The following IQGAP2 variants were observed in gnomAD, a reference collection of about 807,000 sequenced individuals.
IQGAP2 encodes the protein ras GTPase-activating-like protein IQGAP2.
A neutral mutation model predicts 201.3 loss-of-function variants in IQGAP2; 173 were observed. The observed-to-expected ratio is 0.86, with a 90% CI of 0.76 to 0.98. The LOEUF (loss-of-function observed/expected upper bound fraction) is 0.98. Ranked by LOEUF, IQGAP2 falls within the 50% of genes least tolerant of loss-of-function variation. IQGAP2 has a pLI of 0.00. For synonymous variants in IQGAP2, 675 were observed against 673.9 expected (o/e 1.00, Z -0.03); for missense variants, 1,687 against 1,864.8 (o/e 0.90, Z 1.76).
intron 2 of IQGAP2, among the ~76,000 whole-genome samples, chr5:76,484,030 C>T (rs983715377): frequency 2.6e-5 from 4 of 151,106 alleles, no homozygotes; most frequent in Non-Finnish European, 5.9e-5. Flanking sequence ...GTTAGGGATA[C>T]ACATTTTTTG....
chr5:76,587,434 A>G (rs1746327537), intron 5 of IQGAP2, among the ~76,000 whole-genome samples: 1 of 152,230 alleles, frequency 6.6e-6, no homozygotes, highest in African/African-American at 2.4e-5. Flanking sequence ...AACAATCTAA[A>G]TGCTCAGCAC....
intron 1 of IQGAP2, among the ~76,000 whole-genome samples, chr5:76,415,876 T>G: frequency 6.7e-6 from 1 of 148,586 alleles, no homozygotes; most frequent in African/African-American, 2.5e-5. Context: ...ACCCAGGAGG[T>G]GGAGGTTGCA....
intron 2 of IQGAP2, among the ~76,000 whole-genome samples, chr5:76,491,626 TTCTCA>T (rs1357040471): frequency 6.6e-6 from 1 of 152,092 alleles, no homozygotes; most frequent in Non-Finnish European, 1.5e-5. Context: ...TTCTTGATGT[TTCTCA>T]TCTTCCCATA....
chr5:76,450,792 C>T (rs1211740571), intron 1 of IQGAP2, among the ~76,000 whole-genome samples: 1 of 152,194 alleles, frequency 6.6e-6, no homozygotes, highest in African/African-American at 2.4e-5. Context: ...CTAATGAGAA[C>T]TAGCCTAGGT....
intron 20 of IQGAP2, among the ~76,000 whole-genome samples, chr5:76,655,423 A>G (rs914132368): frequency 2.0e-5 from 3 of 152,174 alleles, no homozygotes; most frequent in African/African-American, 7.2e-5. Context: ...TTCATTTTGA[A>G]CTTTTCACAG....
intron 3 of IQGAP2, among the ~76,000 whole-genome samples, chr5:76,567,807 A>G (rs929926695): frequency 9.2e-5 from 14 of 152,238 alleles, no homozygotes; most frequent in African/African-American, 2.7e-4. Flanking sequence ...GTTAGCATCC[A>G]ATGATGACAA....
rs1474074767 is a variant in IQGAP2, at chr5:76,658,580, G to A, written c.2442G>A (p.Lys814=). ...GATTAAGGGAAGAAGTAGTGACCAA[G>A]ATCAGGGCCAATCAACAGCTGGAAA... ...VARLREEVVT[K]IRANQQLEKD... The change falls in exon 21 of 36, where the codon AAG becomes AAA. Residue 814 remains lysine (K), a synonymous_variant. Transcript: ENST00000274364. 1.2e-6 allele frequency: 2 copies of A among 1,614,084 alleles called. No individual in the cohort carries two copies. The highest frequency in any genetic ancestry group is 2.2e-5 in the East Asian group (1 of 44,870).
chr5:76,683,744 T>G, intron 29 of IQGAP2, 32 bp from the exon 30 acceptor site: 3 of 1,587,050 alleles, frequency 1.9e-6, no homozygotes, highest in Non-Finnish European at 2.6e-6. Flanking sequence ...AAGAGTGAAT[T>G]GGAAAAATAA....
intron 17 of IQGAP2, among the ~76,000 whole-genome samples, chr5:76,645,792 T>A (rs1208743676): frequency 6.6e-6 from 1 of 150,668 alleles, no homozygotes; most frequent in Admixed American, 6.6e-5. Flanking sequence ...AACATAATAA[T>A]GAGCTCTCAA....
intron 1 of IQGAP2, among the ~76,000 whole-genome samples, chr5:76,461,261 G>A (rs1035262603): frequency 1.3e-5 from 2 of 151,664 alleles, no homozygotes; most frequent in African/African-American, 4.8e-5. Flanking sequence ...CCAGCTACTT[G>A]GGAGGCTGAG....
rs558616672 is a variant in IQGAP2, at chr5:76,481,399, T to C, written c.146+19730T>C. ...TGTACAAAAAAAGTTTTTTTTTTTT[T>C]CGAGATGGAGTCTCGCTCTGTTGCT... On this transcript the variant is annotated intron_variant, in intron 2 of 35. Transcript: ENST00000274364. Among the ~76,000 whole-genome samples the C allele has an allele frequency of 7.8e-4, 118 of 152,188 alleles. 2 individuals carry two copies. In the South Asian group the frequency reaches 0.016, roughly 21 times the overall value.
At position 76,599,903 on chromosome 5, in the gene IQGAP2, G is replaced by T. The variant is rs1210895216; in HGVS notation, c.1072-909G>T. 2.6e-5 allele frequency among the ~76,000 whole-genome samples: 4 copies of T among 152,092 alleles called. No individual in the cohort carries two copies. In the East Asian group the frequency reaches 7.7e-4, roughly 29 times the overall value. ...CCAAGATAATATAAAATGGTTAAAT[G>T]GAAGAAGATATTAAAGGGGAAGGGT... On this transcript the variant is annotated intron_variant, in intron 10 of 35. Transcript: ENST00000274364.
At chr5:76,533,723 A>G (rs1759459010) in intron 2 of IQGAP2, among the ~76,000 whole-genome samples, 1 of 152,034 alleles carries the variant, frequency 6.6e-6, no homozygotes, top group African/African-American at 2.4e-5. Flanking sequence ...ATTTTTTAGT[A>G]GAGACGGGGT....
chr5:76,595,296 C>A (rs1746947917), intron 9 of IQGAP2, among the ~76,000 whole-genome samples: 1 of 130,562 alleles, frequency 7.7e-6, no homozygotes. Context: ...ATTCTATTGC[C>A]CAGTCTGGTG....
intron 17 of IQGAP2, among the ~76,000 whole-genome samples, chr5:76,645,755 A>G (rs1437174489): frequency 1.3e-5 from 2 of 152,178 alleles, no homozygotes; most frequent in Admixed American, 1.3e-4. Flanking sequence ...AATACCAGAA[A>G]ATTTTACATA....
At chr5:76,641,125 G>A (rs368833539) in intron 17 of IQGAP2, 22 bp downstream of exon 17, 3 of 1,517,720 alleles carry the variant, frequency 2.0e-6, no homozygotes, top group African/African-American at 1.4e-5. Context: ...ACCTGCCACT[G>A]TTTACACAAA....
Position 76,429,610 on chromosome 5 carries a change from A to G in IQGAP2, c.46+26019A>G, listed in dbSNP as rs1464347969. Among the ~76,000 whole-genome samples the G allele has an allele frequency of 4.8e-5, 7 of 145,202 alleles. No homozygotes were observed. In the Admixed American group the frequency reaches 4.9e-4, roughly 10 times the overall value. Reference sequence around the variant, plus strand: ...TATATATATATATGTATATTTATATATATACATATATAAATTTATATATAT... The same window carrying G: ...TATATATATATATGTATATTTATATGTATACATATATAAATTTATATATAT... On this transcript the variant is annotated intron_variant, in intron 1 of 35. Coordinates refer to ENST00000274364, the MANE Select transcript of IQGAP2 (RefSeq NM_006633.5).
At chr5:76,687,068 C>A (rs1745845949) in intron 30 of IQGAP2, among the ~76,000 whole-genome samples, 1 of 152,144 alleles carries the variant, frequency 6.6e-6, no homozygotes, top group African/African-American at 2.4e-5. Context: ...TCTTCTTTTT[C>A]AAGATTGTTT....
chr5:76,486,328 T>A (rs779493067), intron 2 of IQGAP2, among the ~76,000 whole-genome samples: 5 of 152,252 alleles, frequency 3.3e-5, no homozygotes, highest in Non-Finnish European at 7.3e-5. Flanking sequence ...AAAGCTTAGA[T>A]TTTGTTTGGG....
Sources: allele counts gnomAD v4.1 joint callset (sites outside exome capture counted in the v4.1 genomes callset), GRCh38; gene constraint gnomAD v4.1.1; transcripts MANE v1.5; gene names NCBI Gene and HGNC (gene_info 2026-07-23, HGNC 2026-07-21).